Variants in PARD3B observed in about 807,000 individuals in gnomAD.
PARD3B encodes the protein partitioning defective 3 homolog B.
Under a neutral mutation model 130.2 loss-of-function variants are expected in PARD3B, and 103 were observed. That is an observed-to-expected ratio of 0.79 (90% CI 0.67 to 0.93). PARD3B has a LOEUF of 0.93. Ranked by LOEUF, PARD3B falls within the 40% of genes least tolerant of loss-of-function variation. PARD3B has a pLI of 0.00. For missense variants in PARD3B, 1,609 were observed against 1,499.2 expected (o/e 1.07, Z -1.21); for synonymous variants, 583 against 553.2 (o/e 1.05, Z -0.76).
chr2:205,363,087 G>T (rs1443625802), intron 18 of PARD3B, among the ~76,000 whole-genome samples: 3 of 152,118 alleles, frequency 2.0e-5, no homozygotes, highest in African/African-American at 7.2e-5. Context: ...CTTGCAGCAG[G>T]GCACTGGAGG....
At chr2:205,275,698 A>G (rs2040916030) in intron 16 of PARD3B, among the ~76,000 whole-genome samples, 1 of 151,798 alleles carries the variant, frequency 6.6e-6, no homozygotes, top group Non-Finnish European at 1.5e-5. Flanking sequence ...TTAGCCGGGC[A>G]TGGTGGCAGG....
At chr2:205,289,223 TAGA>T (rs962356365) in intron 16 of PARD3B, among the ~76,000 whole-genome samples, 15 of 152,158 alleles carry the variant, frequency 9.9e-5, no homozygotes, top group African/African-American at 3.6e-4. Flanking sequence ...CCAAAAAAAG[TAGA>T]AGTTTTCAAT....
chr2:205,162,136 G>A (rs1057289168), intron 11 of PARD3B, among the ~76,000 whole-genome samples: 2 of 152,184 alleles, frequency 1.3e-5, no homozygotes, highest in African/African-American at 2.4e-5. Flanking sequence ...GGAAACAAGA[G>A]CAGCCAGCTA....
rs1036879187 is a variant in PARD3B, at chr2:205,325,037, C to G, written c.2630+23336C>G. 3.3e-5 allele frequency among the ~76,000 whole-genome samples: 5 copies of G among 152,186 alleles called. No individual in the cohort carries two copies. The highest frequency in any genetic ancestry group is 1.2e-4 in the African/African-American group (5 of 41,452). On this transcript the variant is annotated intron_variant, in intron 18 of 22. Transcript: ENST00000406610. This position sits in a 1 kb window ranked among gnomAD's most constrained non-coding sequence, Gnocchi z 4.1. ...TACTCTCTAAGAATCTAAATTCTCT[C>G]TCCATCTTCACTGCACTTCCTTAGT... is the stretch of plus-strand genomic sequence containing the variant.
At chr2:205,431,601 C>G (rs746087241) in intron 19 of PARD3B, among the ~76,000 whole-genome samples, 45 of 151,880 alleles carry the variant, frequency 3.0e-4, no homozygotes, top group Non-Finnish European at 6.0e-4. Flanking sequence ...TCCCGAGTAG[C>G]TGGGACTATA....
At chr2:205,003,721 C>G (rs1003622005) in intron 3 of PARD3B, among the ~76,000 whole-genome samples, 1 of 152,224 alleles carries the variant, frequency 6.6e-6, no homozygotes, top group African/African-American at 2.4e-5. Flanking sequence ...TGTTTTTCCT[C>G]TGTTGTATCA....
At chr2:204,705,118 C>T (rs2038076550) in intron 2 of PARD3B, among the ~76,000 whole-genome samples, 2 of 152,142 alleles carry the variant, frequency 1.3e-5, no homozygotes. Flanking sequence ...AACTGTGCAC[C>T]TACTTTCACT....
intron 2 of PARD3B, among the ~76,000 whole-genome samples, chr2:204,812,311 T>A (rs2042991900): frequency 6.6e-6 from 1 of 152,076 alleles, no homozygotes; most frequent in Admixed American, 6.6e-5. Context: ...GATTCTTGCC[T>A]CCCCAGAGGA....
At chr2:204,671,640 T>G (rs1477908646) in intron 1 of PARD3B, among the ~76,000 whole-genome samples, 1 of 152,192 alleles carries the variant, frequency 6.6e-6, no homozygotes, top group Non-Finnish European at 1.5e-5. Context: ...AGATAGAGTT[T>G]ATGGTTTTGT....
chr2:205,532,418 C>T (rs887685201), intron 21 of PARD3B, among the ~76,000 whole-genome samples: 1 of 152,076 alleles, frequency 6.6e-6, no homozygotes, highest in Admixed American at 6.6e-5. Flanking sequence ...GGAAAATAAT[C>T]AAGAATTTTA....
chr2:205,237,782 A>G (rs560733453), intron 15 of PARD3B, among the ~76,000 whole-genome samples: 2 of 152,312 alleles, frequency 1.3e-5, no homozygotes, highest in East Asian at 3.9e-4. Context: ...CCTGCTAATC[A>G]TATATTTTTC....
At chr2:205,425,756 G>A (rs533872920) in intron 19 of PARD3B, among the ~76,000 whole-genome samples, 6 of 152,024 alleles carry the variant, frequency 3.9e-5, no homozygotes, top group African/African-American at 1.4e-4. Flanking sequence ...TTACTTTAAT[G>A]AGCATTTAGG....
intron 1 of PARD3B, among the ~76,000 whole-genome samples, chr2:204,563,022 A>G: frequency 6.6e-6 from 1 of 152,150 alleles, no homozygotes; most frequent in East Asian, 1.9e-4. Context: ...GTTTAAAACA[A>G]GAGAAATTTA....
At chr2:205,254,633 A>G (rs1391803689) in intron 16 of PARD3B, among the ~76,000 whole-genome samples, 1 of 151,814 alleles carries the variant, frequency 6.6e-6, no homozygotes, top group East Asian at 1.9e-4. Context: ...TTGAGGCTCC[A>G]GTAATGTGAT....
rs149873691 is a variant in PARD3B at position 205,531,142 on chromosome 2, A to G, written c.3181-22182A>G. 4.7e-4 allele frequency among the ~76,000 whole-genome samples: 72 copies of G among 152,314 alleles called. No individual in the cohort carries two copies. In the East Asian group the frequency reaches 0.012, roughly 24 times the overall value. The stretch of plus-strand genomic sequence containing the variant: ...TTCTTCCAACGTATGGAAGGGACTC[A>G]GGTTTTTTTCACCATAATTTATACT... On this transcript the variant is annotated intron_variant, in intron 21 of 22. Coordinates refer to ENST00000406610, the MANE Select transcript of PARD3B (RefSeq NM_001302769.2).
chr2:204,935,430 T>G (rs571814056), intron 2 of PARD3B, among the ~76,000 whole-genome samples: 196 of 150,538 alleles, frequency 1.3e-3, no homozygotes, highest in African/African-American at 4.5e-3. Flanking sequence ...TCCCAGCTAC[T>G]CGGGAGGCTG....
chr2:204,875,536 A>C (rs2045806942), intron 2 of PARD3B, among the ~76,000 whole-genome samples: 2 of 152,160 alleles, frequency 1.3e-5, no homozygotes, highest in Non-Finnish European at 2.9e-5. Flanking sequence ...ATTTCCAACC[A>C]ATTCCGACAT....
At chr2:205,013,218 T>G (rs1354609094) in intron 3 of PARD3B, among the ~76,000 whole-genome samples, 1 of 152,254 alleles carries the variant, frequency 6.6e-6, no homozygotes, top group Admixed American at 6.5e-5. Flanking sequence ...GCCCCTGGGC[T>G]GTTTTTATTT....
In PARD3B at chr2:205,021,065, A is replaced by T. The variant is rs1696559211; in HGVS notation, c.395-26516A>T. Among the ~76,000 whole-genome samples, 1 of 152,182 alleles carries T rather than the reference A, an allele frequency of 6.6e-6. No individual in the cohort carries two copies. The highest frequency in any genetic ancestry group is 2.4e-5 in the African/African-American group (1 of 41,462). On this transcript the variant is annotated intron_variant, in intron 3 of 22. Transcript: ENST00000406610. The surrounding 1 kb of genome is among the most constrained non-coding windows in gnomAD (Gnocchi z 4.5). ...AGATGGCAGAGTTCAGAGAAAGGTG[A>T]TGGGAGATGGTGGGCAGAGAAAGCA... is the stretch of plus-strand genomic sequence containing the variant.
Sources: allele counts gnomAD v4.1 joint callset (sites outside exome capture counted in the v4.1 genomes callset), GRCh38; gene constraint gnomAD v4.1.1; non-coding constraint Gnocchi (gnomAD v3.1); transcripts MANE v1.5; gene names NCBI Gene and HGNC (gene_info 2026-07-23, HGNC 2026-07-21).